The following MGAT4D variants were observed in gnomAD, a reference collection of about 807,000 sequenced individuals.
MGAT4D encodes the protein alpha-1,3-mannosyl-glycoprotein 4-beta-N-acetylglucosaminyltransferase-like protein MGAT4D.
In MGAT4D, 34 loss-of-function variants were observed where a neutral mutation model predicts 15.9. The ratio of observed to expected loss-of-function variants is 2.14; its 90% CI spans 1.62 to 2.84. The LOEUF (loss-of-function observed/expected upper bound fraction) is 2.84, where lower values mean the gene tolerates loss of function less well. Ranked by LOEUF, MGAT4D falls within the 30% of genes most tolerant of loss-of-function variation. The pLI, the probability that MGAT4D is intolerant of heterozygous loss-of-function variation, is 0.00. For synonymous variants in MGAT4D, 112 were observed against 48.2 expected (o/e 2.33, Z -5.49); for missense variants, 327 against 140.2 (o/e 2.33, Z -6.73).
chr4:140,465,902 T>C (rs1203237802), intron 5 of MGAT4D, among the ~76,000 whole-genome samples: 1 of 152,174 alleles, frequency 6.6e-6, no homozygotes, highest in Admixed American at 6.5e-5. Flanking sequence ...TGTGAACAAT[T>C]GTGTAAAGTA....
intron 4 of MGAT4D, among the ~76,000 whole-genome samples, chr4:140,473,492 C>T (rs978760612): frequency 7.2e-5 from 11 of 152,078 alleles, no homozygotes; most frequent in African/African-American, 2.7e-4. Context: ...CTAATTTCAT[C>T]CCCCAACAAC....
chr4:140,464,035 G>A (rs945040777), intron 6 of MGAT4D, among the ~76,000 whole-genome samples: 1 of 152,142 alleles, frequency 6.6e-6, no homozygotes, highest in African/African-American at 2.4e-5. Context: ...AACAATGACA[G>A]AGATATAAAA....
intron 6 of MGAT4D, among the ~76,000 whole-genome samples, chr4:140,464,154 C>T (rs1731374468): frequency 6.6e-6 from 1 of 152,160 alleles, no homozygotes; most frequent in Non-Finnish European, 1.5e-5. Flanking sequence ...TAAAAGATTC[C>T]TAGATTCTGA....
chr4:140,470,312 C>T (rs145556091), intron 5 of MGAT4D, among the ~76,000 whole-genome samples: 117 of 152,304 alleles, frequency 7.7e-4, no homozygotes, highest in East Asian at 4.8e-3. Flanking sequence ...CGCTTCAAAA[C>T]GGTGATTCTC....
intron 1 of MGAT4D, among the ~76,000 whole-genome samples, chr4:140,497,293 T>G (rs767404889): frequency 1.2e-4 from 19 of 152,076 alleles, no homozygotes; most frequent in African/African-American, 1.9e-4. Context: ...ACTGAAAAAT[T>G]TAACTACTTG....
chr4:140,461,168 T>C (rs1560773769), intron 7 of MGAT4D, among the ~76,000 whole-genome samples: 1 of 152,182 alleles, frequency 6.6e-6, no homozygotes, highest in Non-Finnish European at 1.5e-5. Flanking sequence ...GGACACAGAA[T>C]AGAACTGTGG....
chr4:140,446,600 A>G (rs887236501), intron 10 of MGAT4D, among the ~76,000 whole-genome samples: 2 of 151,800 alleles, frequency 1.3e-5, no homozygotes, highest in African/African-American at 4.8e-5. Context: ...CATATGTCTT[A>G]TTAATTTCTT....
intron 4 of MGAT4D, among the ~76,000 whole-genome samples, chr4:140,473,855 T>A (rs1425985280): frequency 7.1e-6 from 1 of 139,862 alleles, no homozygotes; most frequent in South Asian, 2.4e-4. Context: ...CACACCATCA[T>A]TTCTAGCTAA....
At chr4:140,476,163 G>T (rs1186440953) in intron 3 of MGAT4D, among the ~76,000 whole-genome samples, 1 of 151,976 alleles carries the variant, frequency 6.6e-6, no homozygotes, top group Non-Finnish European at 1.5e-5. Context: ...TTAAGCTATT[G>T]CCCATTTCTC....
Position 140,484,793 on chromosome 4 carries a change from A to T in MGAT4D, c.95-2308T>A, listed in dbSNP as rs184346535. On this transcript the variant is annotated intron_variant, in intron 1 of 10. Coordinates refer to ENST00000511113, the MANE Select transcript of MGAT4D (RefSeq NM_001277353.2). ...AGACATTTATGCAGCCAACAGACAC[A>T]TGAAAAAATGCTCATCATTACTGGC... is the stretch of plus-strand genomic sequence containing the variant. Among the ~76,000 whole-genome samples, 57 of 152,374 alleles carry T rather than the reference A, an allele frequency of 3.7e-4. No homozygotes were observed. In the East Asian group the frequency reaches 0.011, roughly 28 times the overall value.
chr4:140,457,440 T>C (rs1730883540), intron 8 of MGAT4D: 1 of 152,112 alleles, frequency 6.6e-6, no homozygotes, highest in African/African-American at 2.4e-5. Context: ...TAATAAAATG[T>C]ATAATTGTAT....
intron 7 of MGAT4D, among the ~76,000 whole-genome samples, chr4:140,460,373 A>G (rs1485559750): frequency 6.6e-6 from 1 of 152,144 alleles, no homozygotes; most frequent in Non-Finnish European, 1.5e-5. Flanking sequence ...CTCATAGATG[A>G]TGTCTTCCAC....
At chr4:140,480,991 A>G (rs927519123) in intron 2 of MGAT4D, among the ~76,000 whole-genome samples, 2 of 152,180 alleles carry the variant, frequency 1.3e-5, no homozygotes, top group African/African-American at 4.8e-5. Context: ...GGGAAATACA[A>G]CATAAAGCTA....
At chr4:140,479,445 G>T in intron 3 of MGAT4D, 45 bp downstream of exon 3, 1 of 425,228 alleles carries the variant, frequency 2.4e-6, no homozygotes, top group South Asian at 5.9e-5. Context: ...TGTCCCCAAA[G>T]ATCAAAATAC....
intron 1 of MGAT4D, among the ~76,000 whole-genome samples, chr4:140,494,314 A>G (rs1163756109): frequency 1.3e-5 from 2 of 152,226 alleles, no homozygotes; most frequent in Non-Finnish European, 2.9e-5. Flanking sequence ...TGTGAGTGAG[A>G]TGGCTTTTCA....
In MGAT4D at chr4:140,461,914, C is replaced by T. The variant is rs1395231898; in HGVS notation, c.762+15G>A. On this transcript the variant is annotated intron_variant, in intron 7 of 10. Coordinates refer to ENST00000511113, the MANE Select transcript of MGAT4D (RefSeq NM_001277353.2). ...ACACACACACACACACACACACACA[C>T]ACACAATTTCTGACCTGTAAATAAT... 10 of 696,456 alleles carry T rather than the reference C, an allele frequency of 1.4e-5. No homozygotes were observed. The highest frequency in any genetic ancestry group is 2.6e-5 in the Non-Finnish European group (10 of 381,666). 43.1% of individuals were successfully genotyped at this position (696,456 alleles called of 1,614,324 possible). A position where few individuals can be genotyped will look rare whatever the true frequency, so the allele number is the denominator to read the frequency against.
intron 5 of MGAT4D, among the ~76,000 whole-genome samples, chr4:140,467,293 AAGTT>A (rs1233188794): frequency 5.3e-5 from 8 of 152,170 alleles, no homozygotes; most frequent in South Asian, 2.1e-4. Flanking sequence ...TTTGTGGTAA[AAGTT>A]AGTAACATAA....
chr4:140,481,771 G>A (rs959893682), intron 2 of MGAT4D, among the ~76,000 whole-genome samples: 2 of 152,216 alleles, frequency 1.3e-5, no homozygotes, highest in East Asian at 3.9e-4. Flanking sequence ...ACAGAGATCT[G>A]AGCAGTGGTT....
chr4:140,490,717 G>A (rs1407638048), intron 1 of MGAT4D, among the ~76,000 whole-genome samples: 1 of 152,106 alleles, frequency 6.6e-6, no homozygotes, highest in Admixed American at 6.5e-5. Context: ...TATACATTGG[G>A]CCATGAGCCC....
Sources: gnomAD v4.1 joint callset for allele counts (sites outside exome capture counted in the v4.1 genomes callset) on GRCh38, gnomAD v4.1.1 for gene constraint, MANE v1.5 for transcripts, NCBI Gene and HGNC (gene_info 2026-07-23, HGNC 2026-07-21) for gene names.